ERBB4: variants seen among roughly 807,000 people sequenced by gnomAD.
ERBB4 encodes the protein erb-b2 receptor tyrosine kinase 4.
A neutral mutation model predicts 158.0 loss-of-function variants in ERBB4; 42 were observed. The ratio of observed to expected loss-of-function variants is 0.27; its 90% CI spans 0.21 to 0.34. ERBB4 has a LOEUF of 0.34. ERBB4 is among the 10% of genes least tolerant of loss of function. The probability of loss-of-function intolerance (pLI) is 1.00; values close to 1 mark genes in which losing one functional copy is unlikely to be tolerated. For missense variants in ERBB4, 1,333 were observed against 1,624.1 expected (o/e 0.82, Z 3.08); for synonymous variants, 583 against 558.7 (o/e 1.04, Z -0.61).
intron 1 of ERBB4, among the ~76,000 whole-genome samples, chr2:212,306,348 T>A (rs1349870789): frequency 1.3e-5 from 2 of 151,460 alleles, no homozygotes; most frequent in Non-Finnish European, 3.0e-5. Context: ...TCTCTGAGTA[T>A]ACACAAACAC....
At chr2:211,832,657 G>C (rs1190217863) in intron 3 of ERBB4, among the ~76,000 whole-genome samples, 2 of 150,522 alleles carry the variant, frequency 1.3e-5, no homozygotes, top group Non-Finnish European at 3.0e-5. Context: ...CAGCATCCTT[G>C]TGTATCAGAA....
At chr2:212,163,289 C>T (rs2081255988) in intron 1 of ERBB4, among the ~76,000 whole-genome samples, 1 of 151,828 alleles carries the variant, frequency 6.6e-6, no homozygotes, top group African/African-American at 2.4e-5. Flanking sequence ...TGTGTTTTTC[C>T]AAGGTTTTCT....
At chr2:212,100,551 G>A (rs12104833) in intron 2 of ERBB4, among the ~76,000 whole-genome samples, 36,470 of 152,028 alleles carry the variant, frequency 0.24, 5,950 homozygotes, top group African/African-American at 0.47. Context: ...ACAGTAAATT[G>A]GTTTCACAAA....
intron 16 of ERBB4, among the ~76,000 whole-genome samples, chr2:211,634,655 T>C (rs1224442991): frequency 6.6e-6 from 1 of 152,124 alleles, no homozygotes; most frequent in Non-Finnish European, 1.5e-5. Context: ...ACCAACCTGT[T>C]TCTGAGCGTG....
At chr2:212,331,864 T>C (rs963197974) in intron 1 of ERBB4, among the ~76,000 whole-genome samples, 5 of 152,046 alleles carry the variant, frequency 3.3e-5, no homozygotes, top group African/African-American at 1.2e-4. Flanking sequence ...AACAGAATCT[T>C]AAACCAAAGT....
At chr2:212,060,641 T>A (rs1005136268) in intron 2 of ERBB4, among the ~76,000 whole-genome samples, 2 of 78,672 alleles carry the variant, frequency 2.5e-5, no homozygotes, top group Non-Finnish European at 6.7e-5. Flanking sequence ...TAAAAAAGAA[T>A]GAGTTCGTGT....
At chr2:211,515,920 T>A (rs1164415692) in intron 20 of ERBB4, among the ~76,000 whole-genome samples, 42 of 82,968 alleles carry the variant, frequency 5.1e-4, no homozygotes, top group African/African-American at 1.9e-3. Context: ...ATATTTTTTT[T>A]TTTTTTTTTT....
intron 1 of ERBB4, among the ~76,000 whole-genome samples, chr2:212,363,336 T>G (rs918849715): frequency 3.3e-5 from 5 of 151,372 alleles, no homozygotes; most frequent in Admixed American, 1.3e-4. Flanking sequence ...TGAAAATAAG[T>G]AGGCTTTTAA....
intron 1 of ERBB4, among the ~76,000 whole-genome samples, chr2:212,232,694 C>T (rs1360416145): frequency 2.0e-5 from 3 of 152,140 alleles, no homozygotes; most frequent in East Asian, 1.9e-4. Flanking sequence ...AGGCGTGAGC[C>T]ACCACACCCG....
At position 212,337,138 on chromosome 2, in the gene ERBB4, T is replaced by C. The variant is rs142979631; in HGVS notation, c.82+201311A>G. On this transcript the variant is annotated intron_variant, in intron 1 of 27. Transcript: ENST00000342788. ...AATAGATTTGCTTAGATTTCTATTT[T>C]AAGAGTCAGATCTGGTCCAGTGATT... Among the ~76,000 whole-genome samples, 1,209 of 152,206 alleles carry C rather than the reference T, an allele frequency of 7.9e-3. 11 individuals carry two copies. The highest frequency in any genetic ancestry group is 0.027 in the African/African-American group (1,125 of 41,572).
At chr2:211,557,490 G>T (rs73075174) in intron 20 of ERBB4, among the ~76,000 whole-genome samples, 1 of 152,028 alleles carries the variant, frequency 6.6e-6, no homozygotes, top group East Asian at 1.9e-4. Context: ...AGTCGTACAC[G>T]CAACCAGCAA....
intron 16 of ERBB4, among the ~76,000 whole-genome samples, chr2:211,631,552 T>C (rs182693119): frequency 7.6e-4 from 116 of 152,308 alleles, no homozygotes; most frequent in African/African-American, 2.4e-3. Context: ...TAAAATGTTT[T>C]TGTAATGTAT....
At chr2:211,395,833 C>T (rs2062904203) in intron 25 of ERBB4, among the ~76,000 whole-genome samples, 1 of 152,142 alleles carries the variant, frequency 6.6e-6, no homozygotes, top group Non-Finnish European at 1.5e-5. Flanking sequence ...AATCGATATA[C>T]ACATACATGC....
chr2:211,705,171 T>G, intron 10 of ERBB4, 147 bp downstream of exon 10: 1 of 651,862 alleles, frequency 1.5e-6, no homozygotes, highest in Non-Finnish European at 2.8e-6. Flanking sequence ...TGGCCAGGAT[T>G]TCCATCTCCT....
At chr2:212,140,184 T>C (rs1433799634) in intron 1 of ERBB4, among the ~76,000 whole-genome samples, 1 of 151,176 alleles carries the variant, frequency 6.6e-6, no homozygotes, top group Non-Finnish European at 1.5e-5. Flanking sequence ...AAAACTAAAA[T>C]AAAATAAAAT....
chr2:211,940,365 A>T (rs1390077832), intron 3 of ERBB4, among the ~76,000 whole-genome samples: 1 of 152,164 alleles, frequency 6.6e-6, no homozygotes, highest in Non-Finnish European at 1.5e-5. Flanking sequence ...AAAGCAAACA[A>T]GCATGCTTCC....
chr2:211,470,870 G>C (rs2064812150), intron 20 of ERBB4, among the ~76,000 whole-genome samples: 1 of 152,222 alleles, frequency 6.6e-6, no homozygotes, highest in African/African-American at 2.4e-5. Flanking sequence ...CCTTTGGCAT[G>C]TAAATTATTT....
chr2:211,377,032 A>T lies in ERBB4; in HGVS notation c.*6583T>A. On this transcript the variant is annotated 3_prime_UTR_variant, in exon 28 of 28. Coordinates refer to ENST00000342788, the MANE Select transcript of ERBB4 (RefSeq NM_005235.3). ...TTAAAAGAACACCTTACATATCTAC[A>T]TTTAGAAAATAACTTTCGTAGTTGA... 1 of 233,106 alleles carries T rather than the reference A, an allele frequency of 4.3e-6. No individual in the cohort carries two copies. The highest frequency in any genetic ancestry group is 8.5e-6 in the Non-Finnish European group (1 of 117,686). 14.4% of individuals were successfully genotyped at this position (233,106 alleles called of 1,614,324 possible).
At chr2:212,477,896 T>C (rs1049226607) in intron 1 of ERBB4, among the ~76,000 whole-genome samples, 2 of 152,134 alleles carry the variant, frequency 1.3e-5, no homozygotes, top group African/African-American at 4.8e-5. Context: ...GCATCTCTCT[T>C]GCAATGTGTG....
Sources: gnomAD v4.1 joint callset for allele counts (sites outside exome capture counted in the v4.1 genomes callset) on GRCh38, gnomAD v4.1.1 for gene constraint, MANE v1.5 for transcripts, NCBI Gene and HGNC (gene_info 2026-07-23, HGNC 2026-07-21) for gene names.